Variants in INTS9 observed in about 807,000 individuals in gnomAD.
The protein encoded by INTS9 is protein related to CPSF subunits of 74 kDa.
A neutral mutation model predicts 79.7 loss-of-function variants in INTS9; 55 were observed. That is an observed-to-expected ratio of 0.69 (90% CI 0.56 to 0.86). The LOEUF (loss-of-function observed/expected upper bound fraction) is 0.86, where lower values mean the gene tolerates loss of function less well. INTS9 is among the 40% of genes least tolerant of loss of function. The pLI is 0.00. For missense variants in INTS9, 721 were observed against 831.5 expected (o/e 0.87, Z 1.64); for synonymous variants, 319 against 325.2 (o/e 0.98, Z 0.20).
chr8:28,881,702 GT>G (rs1273741674), intron 1 of INTS9, among the ~76,000 whole-genome samples: 2 of 142,674 alleles, frequency 1.4e-5, no homozygotes, highest in Admixed American at 6.7e-5. Context: ...CGGGAGGGAG[GT>G]GGGGGGGTCA....
chr8:28,783,262 C>T (rs1319590567), intron 11 of INTS9, among the ~76,000 whole-genome samples: 1 of 152,110 alleles, frequency 6.6e-6, no homozygotes, highest in Non-Finnish European at 1.5e-5. Context: ...CAATCATCTC[C>T]CAGTGTCAGG....
Position 28,820,430 on chromosome 8 carries a change from A to T in INTS9, c.489-6818T>A, listed in dbSNP as rs563343807. Among the ~76,000 whole-genome samples the T allele has an allele frequency of 4.2e-3, 644 of 152,298 alleles. 7 individuals carry two copies. The highest frequency in any genetic ancestry group is 0.014 in the African/African-American group (586 of 41,558). On this transcript the variant is annotated intron_variant, in intron 6 of 16. Coordinates refer to ENST00000521022, the MANE Select transcript of INTS9 (RefSeq NM_018250.4). ...CTGGATATGAAATTCTGGGTTGAAA[A>T]TTCTTTTCTTTAAGAATGTTGAATA...
At chr8:28,806,066 C>T (rs934051483) in intron 8 of INTS9, among the ~76,000 whole-genome samples, 2 of 115,340 alleles carry the variant, frequency 1.7e-5, no homozygotes, top group Non-Finnish European at 4.1e-5. Flanking sequence ...CCTGTCTCTA[C>T]AAAAAAAACA....
At chr8:28,813,322 G>A (rs1007031234) in intron 7 of INTS9, among the ~76,000 whole-genome samples, 170 bp downstream of exon 7, 1 of 152,134 alleles carries the variant, frequency 6.6e-6, no homozygotes, top group African/African-American at 2.4e-5. Flanking sequence ...TGTGAGGGTG[G>A]GGAAAGAGCA....
chr8:28,802,761 T>C (rs1804592103), intron 8 of INTS9, among the ~76,000 whole-genome samples: 1 of 152,116 alleles, frequency 6.6e-6, no homozygotes. Flanking sequence ...CCTACAATTT[T>C]CCATACTTCA....
chr8:28,843,730 TTC>T (rs948669438), intron 4 of INTS9, among the ~76,000 whole-genome samples: 2 of 151,962 alleles, frequency 1.3e-5, no homozygotes, highest in African/African-American at 4.8e-5. Context: ...TTCTTCCTTT[TTC>T]TTTTTTTTTT....
intron 10 of INTS9, among the ~76,000 whole-genome samples, chr8:28,792,555 A>AC (rs1004883391): frequency 1.4e-4 from 22 of 152,024 alleles, no homozygotes; most frequent in African/African-American, 3.1e-4. Flanking sequence ...ACAAAAACAA[A>AC]AAAAAAAATT....
chr8:28,822,005 G>A (rs1324208147), intron 6 of INTS9, among the ~76,000 whole-genome samples: 1 of 152,202 alleles, frequency 6.6e-6, no homozygotes, highest in South Asian at 2.1e-4. Flanking sequence ...GGACTCAAGC[G>A]ATCTGCCCGC....
At chr8:28,774,195 C>G (rs1003386178) in intron 14 of INTS9, among the ~76,000 whole-genome samples, 2 of 152,224 alleles carry the variant, frequency 1.3e-5, no homozygotes, top group African/African-American at 4.8e-5. Context: ...TAGGCACACA[C>G]ACAGTGAACA....
chr8:28,878,630 T>C (rs1390757292), intron 1 of INTS9, among the ~76,000 whole-genome samples: 3 of 148,452 alleles, frequency 2.0e-5, no homozygotes, highest in Non-Finnish European at 3.0e-5. Flanking sequence ...CCTTCACTGT[T>C]TTTTTTTTTT....
chr8:28,795,550 G>C (rs1241145946), intron 9 of INTS9, among the ~76,000 whole-genome samples: 1 of 148,246 alleles, frequency 6.7e-6, no homozygotes, highest in Non-Finnish European at 1.5e-5. Flanking sequence ...TGAAGCAGGA[G>C]AATCGCTTGA....
chr8:28,863,772 ACT>A (rs1243509139), intron 1 of INTS9, among the ~76,000 whole-genome samples: 4 of 151,640 alleles, frequency 2.6e-5, no homozygotes, highest in Non-Finnish European at 5.9e-5. Flanking sequence ...ACAGAGCAAA[ACT>A]CTGTCTCAAA....
chr8:28,809,835 A>G (rs962616127), intron 8 of INTS9, among the ~76,000 whole-genome samples: 5 of 152,158 alleles, frequency 3.3e-5, no homozygotes, highest in Middle Eastern at 3.2e-3. Flanking sequence ...AAAAATAGCA[A>G]CGTCCCCTCT....
intron 9 of INTS9, among the ~76,000 whole-genome samples, chr8:28,794,460 G>A (rs1804087251): frequency 6.6e-6 from 1 of 152,134 alleles, no homozygotes; most frequent in Admixed American, 6.5e-5. Flanking sequence ...TATACTTTAA[G>A]TACTTAGGCT....
intron 8 of INTS9, among the ~76,000 whole-genome samples, chr8:28,809,408 A>T (rs1016886094): frequency 6.6e-6 from 1 of 152,204 alleles, no homozygotes; most frequent in Non-Finnish European, 1.5e-5. Flanking sequence ...AAGTTTTTCA[A>T]ACCAAAACTT....
intron 2 of INTS9, among the ~76,000 whole-genome samples, chr8:28,856,246 AG>A (rs1377563941): frequency 6.6e-6 from 1 of 152,222 alleles, no homozygotes; most frequent in African/African-American, 2.4e-5. Flanking sequence ...AATATGGAGC[AG>A]GGAGGAAGAG....
At chr8:28,799,315 AAC>A (rs1804395999) in intron 8 of INTS9, 1 of 152,562 alleles carries the variant, frequency 6.6e-6, no homozygotes, top group Non-Finnish European at 1.5e-5. Flanking sequence ...CAAAACATAT[AAC>A]ACAGAGCAAA....
At chr8:28,804,598 C>G (rs1804702249) in intron 8 of INTS9, among the ~76,000 whole-genome samples, 1 of 152,074 alleles carries the variant, frequency 6.6e-6, no homozygotes, top group South Asian at 2.1e-4. Context: ...TCAGGAGAAA[C>G]AATGCCTGAA....
At chr8:28,814,436 A>G (rs1805353476) in intron 6 of INTS9, among the ~76,000 whole-genome samples, 1 of 152,184 alleles carries the variant, frequency 6.6e-6, no homozygotes, top group African/African-American at 2.4e-5. Flanking sequence ...TCATAGGCCC[A>G]GGAAAGTTCA....
Sources: gnomAD v4.1 joint callset for allele counts (sites outside exome capture counted in the v4.1 genomes callset) on GRCh38, gnomAD v4.1.1 for gene constraint, MANE v1.5 for transcripts, NCBI Gene and HGNC (gene_info 2026-07-23, HGNC 2026-07-21) for gene names.